KCNH3: variants seen among roughly 807,000 people sequenced by gnomAD.
KCNH3 encodes the protein potassium voltage-gated channel subfamily H member 3, also known as voltage-gated inwardly rectifying potassium channel KCNH3.
In KCNH3, 36 loss-of-function variants were observed where a neutral mutation model predicts 95.6. The observed-to-expected ratio is 0.38, with a 90% CI of 0.29 to 0.50. The LOEUF is 0.50. Among genes scored for constraint, KCNH3 ranks in the 20% least tolerant of loss-of-function variants. The pLI is 0.95. For synonymous variants in KCNH3, 620 were observed against 646.3 expected (o/e 0.96, Z 0.62); for missense variants, 1,030 against 1,484.1 (o/e 0.69, Z 5.03).
chr12:49,540,719 G>A (rs1189927220), intron 1 of KCNH3, among the ~76,000 whole-genome samples, 180 bp from the exon 2 acceptor site: 1 of 152,252 alleles, frequency 6.6e-6, no homozygotes, highest in African/African-American at 2.4e-5. Flanking sequence ...ACCTGCTGCA[G>A]GGCACTGACA....
At chr12:49,550,043 T>TTGCCCCC in intron 9 of KCNH3, 37 bp from the exon 10 acceptor site, 193 of 1,299,440 alleles carry the variant, frequency 1.5e-4, no homozygotes, top group Non-Finnish European at 1.9e-4. Flanking sequence ...CTTCTGCCAC[T>TTGCCCCC]CCCAACCCCC....
At chr12:49,548,133 T>TGTGCGC (rs1380200472) in intron 7 of KCNH3, among the ~76,000 whole-genome samples, 3 of 146,428 alleles carry the variant, frequency 2.0e-5, no homozygotes, top group East Asian at 2.0e-4. Context: ...TGTGTGTGTG[T>TGTGCGC]GCGCGCGCAC....
At chr12:49,543,222 A>C in intron 4 of KCNH3, 53 bp from the exon 5 acceptor site, 15 of 1,581,790 alleles carry the variant, frequency 9.5e-6, no homozygotes, top group Non-Finnish European at 1.3e-5. Flanking sequence ...ATCCAAACTC[A>C]GCCTGTGCCA....
chr12:49,544,339 C>T lies in KCNH3; in HGVS notation c.1146C>T (p.Gly382=). ...HWVACVWFYI[G]QREIESSESE... ...TCGCCTGCGTCTGGTTTTACATTGG[C>T]CAGCGGGAGATCGAGAGCAGCGAAT... Residue 382 remains glycine (G), a synonymous_variant, in exon 7 of 15, where the codon GGC becomes GGT. Coordinates refer to ENST00000257981, the MANE Select transcript of KCNH3 (RefSeq NM_012284.3). 6.2e-7 allele frequency: 1 copy of T among 1,613,634 alleles called. No individual in the cohort carries two copies. Among genetic ancestry groups the T allele is most frequent in the Non-Finnish European group, 8.5e-7 (1 of 1,180,028 alleles).
chr12:49,556,544 T>C lies in KCNH3; in HGVS notation c.2575+68T>C. The C allele has an allele frequency of 3.6e-6, 4 of 1,111,034 alleles. No homozygotes were observed. In the South Asian group the frequency reaches 3.8e-5, roughly 10 times the overall value. 68.8% of individuals were successfully genotyped at this position (1,111,034 alleles called of 1,614,324 possible). A position where few individuals can be genotyped will look rare whatever the true frequency, so the allele number is the denominator to read the frequency against. On this transcript the variant is annotated intron_variant, in intron 13 of 14. Transcript: ENST00000257981. Reference sequence around the variant, plus strand: ...TTTGCCTTGTGAACCTCAAGCACTGTTGACCTCTGAGCCTTCAATGTTAGA... The same window carrying C: ...TTTGCCTTGTGAACCTCAAGCACTGCTGACCTCTGAGCCTTCAATGTTAGA...
rs1264706762 is a variant in KCNH3 at position 49,539,293 on chromosome 12, T to C, written c.-124T>C. On this transcript the variant is annotated 5_prime_UTR_variant, in exon 1 of 15. Coordinates refer to ENST00000257981, the MANE Select transcript of KCNH3 (RefSeq NM_012284.3). This position sits in a 1 kb window ranked among gnomAD's most constrained non-coding sequence, Gnocchi z 6.7. ...CGACCCCGGATCCCGGTCTGCGCAT[T>C]GCCCCCCGACGGCTGCGCTAGGGAG... 1 of 419,658 alleles carries C rather than the reference T, an allele frequency of 2.4e-6. No homozygotes were observed. Among genetic ancestry groups the C allele is most frequent in the Non-Finnish European group, 3.8e-6 (1 of 265,966 alleles). 26.0% of individuals were successfully genotyped at this position (419,658 alleles called of 1,614,324 possible). A position where few individuals can be genotyped will look rare whatever the true frequency, so the allele number is the denominator to read the frequency against.
chr12:49,546,696 C>T (rs1300175924), intron 7 of KCNH3, among the ~76,000 whole-genome samples: 1 of 152,322 alleles, frequency 6.6e-6, no homozygotes, highest in East Asian at 1.9e-4. Context: ...CCCCGCCCAC[C>T]TGGAGGCACA....
At chr12:49,550,412 C>A in intron 10 of KCNH3, 83 bp downstream of exon 10, 1 of 1,484,346 alleles carries the variant, frequency 6.7e-7, no homozygotes, top group Non-Finnish European at 9.0e-7. Flanking sequence ...GGAGAGGGGA[C>A]CTCCACAAGG....
chr12:49,544,468 C>T, intron 7 of KCNH3, 86 bp downstream of exon 7: 7 of 1,343,414 alleles, frequency 5.2e-6, no homozygotes, highest in Non-Finnish European at 7.3e-6. Context: ...TGTGTGGTGT[C>T]CCTACCTGTG....
chr12:49,551,541 A>ACTC (rs1288352038), intron 10 of KCNH3, among the ~76,000 whole-genome samples: 1 of 141,456 alleles, frequency 7.1e-6, no homozygotes, highest in Non-Finnish European at 1.5e-5. Context: ...GCACCACTGC[A>ACTC]CTCCAGCCTG....
intron 11 of KCNH3, among the ~76,000 whole-genome samples, 194 bp downstream of exon 11, chr12:49,554,748 GCCAGCTCT>G (rs1938375672): frequency 6.6e-6 from 1 of 152,190 alleles, no homozygotes; most frequent in Non-Finnish European, 1.5e-5. Context: ...AGCCACCCCT[GCCAGCTCT>G]CCTTGGCCTG....
Position 49,556,426 on chromosome 12 carries a change from G to T in KCNH3, c.2525G>T (p.Arg842Leu), listed in dbSNP as rs139061400. Reference sequence around the variant, plus strand: ...TCGGACCAGCCCAAGTTCTCTTTCCGCGTGGGCCAGTCTGGCCCGGAATGT... The same window carrying T: ...TCGGACCAGCCCAAGTTCTCTTTCCTCGTGGGCCAGTCTGGCCCGGAATGT... ...CGSDQPKFSF[R>L]VGQSGPECSS... Residue 842 changes from arginine (R) to leucine (L), a missense_variant, in exon 13 of 15, where the codon CGC (arginine) becomes CTC (leucine). Arg to Leu is a moderately radical substitution (Grantham distance 102, BLOSUM62 -2). Transcript: ENST00000257981. 6.2e-7 allele frequency: 1 copy of T among 1,614,010 alleles called. No individual in the cohort carries two copies. Among genetic ancestry groups the T allele is most frequent in the African/African-American group, 1.3e-5 (1 of 75,026 alleles).
At chr12:49,557,121 C>A (rs2138172752) in intron 13 of KCNH3, 62 bp from the exon 14 acceptor site, 1 of 1,519,960 alleles carries the variant, frequency 6.6e-7, no homozygotes. Context: ...AAGGCCTAGA[C>A]CCCCAAATTG....
intron 10 of KCNH3, among the ~76,000 whole-genome samples, chr12:49,553,534 T>C (rs1381419832): frequency 6.6e-6 from 1 of 152,170 alleles, no homozygotes; most frequent in African/African-American, 2.4e-5. Flanking sequence ...TAACTCTAAT[T>C]TAGCCTCAAC....
Position 49,555,845 on chromosome 12 carries a change from G to A in KCNH3, c.2362G>A (p.Ala788Thr), listed in dbSNP as rs1033467254. ...AGGTGGCAGAGGGAGGCCAGGCAGGGCAGGGGCTTTGAAGGCTGAGGCTGG... is the reference window on the plus strand; with the variant it reads ...AGGTGGCAGAGGGAGGCCAGGCAGGACAGGGGCTTTGAAGGCTGAGGCTGG... ...RLGGRGRPGR[A>T]GALKAEAGPS... The change falls in exon 12 of 15, where the codon GCA becomes ACA. Residue 788 changes from alanine (A) to threonine (T), a missense_variant. Around this residue, in one of 9 missense-constraint regions of KCNH3, gnomAD observed 464 missense variants for 493.2 expected, o/e 0.94. Coordinates refer to ENST00000257981, the MANE Select transcript of KCNH3 (RefSeq NM_012284.3). The A allele has an allele frequency of 1.2e-6, 2 of 1,612,870 alleles. No homozygotes were observed. Among genetic ancestry groups the A allele is most frequent in the South Asian group, 2.2e-5 (2 of 90,978 alleles).
At position 49,557,174 on chromosome 12, in the gene KCNH3, TA is replaced by T; in HGVS notation, c.2576-8del. ...GCCCCAGCTGATAACCCCATCCTACTACCCACAGAGAGCGGCCTGCTCACTG... is the reference window on the plus strand; with the variant it reads ...GCCCCAGCTGATAACCCCATCCTACTCCCACAGAGAGCGGCCTGCTCACTG... On this transcript the variant is annotated splice_polypyrimidine_tract_variant and splice_region_variant and intron_variant, in intron 13 of 14. Transcript: ENST00000257981. The T allele has an allele frequency of 6.2e-7, 1 of 1,613,782 alleles. No homozygotes were observed. The highest frequency in any genetic ancestry group is 1.1e-5 in the South Asian group (1 of 91,066).
intron 5 of KCNH3, 140 bp downstream of exon 5, chr12:49,543,658 C>T (rs1937952073): frequency 1.6e-6 from 2 of 1,247,676 alleles, no homozygotes; most frequent in African/African-American, 3.0e-5. Flanking sequence ...TGAAATCAGA[C>T]CTAGGTTCCA....
Position 49,543,540 on chromosome 12 carries a change from C to T in KCNH3, c.823+22C>T, listed in dbSNP as rs747089625. 5.2e-5 allele frequency: 82 copies of T among 1,580,950 alleles called. 2 individuals carry two copies. Among genetic ancestry groups the T allele is most frequent in the South Asian group, 4.4e-4 (40 of 90,600 alleles). On this transcript the variant is annotated intron_variant, in intron 5 of 14. Coordinates refer to ENST00000257981, the MANE Select transcript of KCNH3 (RefSeq NM_012284.3). ...CTTGGTGCGTGCACTCTGCCCCTTCCGCCCCACCCTTTGCTGGCGCCCTGG... is the reference window on the plus strand; with the variant it reads ...CTTGGTGCGTGCACTCTGCCCCTTCTGCCCCACCCTTTGCTGGCGCCCTGG...
intron 6 of KCNH3, 30 bp from the exon 7 acceptor site, chr12:49,544,145 T>TTC: frequency 1.2e-6 from 1 of 818,366 alleles, no homozygotes; most frequent in Non-Finnish European, 2.0e-6. Flanking sequence ...CTGACCTCCC[T>TTC]CCCTCCCTCC....
Sources: gnomAD v4.1 joint callset for allele counts (sites outside exome capture counted in the v4.1 genomes callset) on GRCh38, gnomAD v4.1.1 for gene constraint, gnomAD v4.1.1 regional missense constraint, Gnocchi (gnomAD v3.1) non-coding constraint, MANE v1.5 for transcripts, NCBI Gene and HGNC (gene_info 2026-07-23, HGNC 2026-07-21) for gene names.